MTAP: variants seen among roughly 807,000 people sequenced by gnomAD.
MTAP encodes S-methyl-5'-thioadenosine phosphorylase.
MTAP carries 33 observed loss-of-function variants against 33.6 expected under a neutral mutation model. That is an observed-to-expected ratio of 0.98 (90% CI 0.74 to 1.31). The LOEUF is 1.31. MTAP is among the 40% of genes most tolerant of loss of function. The pLI is 0.00. For synonymous variants in MTAP, 148 were observed against 125.7 expected (o/e 1.18, Z -1.19); for missense variants, 367 against 360.0 (o/e 1.02, Z -0.16).
chr9:21,825,885 A>G (rs1350621981), intron 4 of MTAP, among the ~76,000 whole-genome samples: 2 of 152,160 alleles, frequency 1.3e-5, no homozygotes, highest in African/African-American at 4.8e-5. Context: ...CATTTTCTTG[A>G]TGATTAGTGA....
At chr9:21,903,622 A>G (rs1818425691) in intron 1 of MTAP, among the ~76,000 whole-genome samples, 1 of 152,194 alleles carries the variant, frequency 6.6e-6, no homozygotes, top group Non-Finnish European at 1.5e-5. Context: ...AATCCTTTTC[A>G]GCTTCTCACA....
downstream of MTAP, among the ~76,000 whole-genome samples, chr9:21,868,548 C>T (rs778931326): frequency 4.6e-5 from 7 of 152,106 alleles, no homozygotes; most frequent in African/African-American, 1.4e-4. Context: ...TTTTTTAACT[C>T]ATCAGTTTAG....
intron 1 of MTAP, among the ~76,000 whole-genome samples, chr9:21,886,583 A>G (rs573139252): frequency 2.0e-5 from 3 of 152,274 alleles, no homozygotes; most frequent in African/African-American, 7.2e-5. Flanking sequence ...TTATGGTTTC[A>G]GGTCTTTGGT....
rs754086497 is a variant in MTAP, at chr9:21,862,029, C to G, written c.*15C>G. On this transcript the variant is annotated 3_prime_UTR_variant, in exon 8 of 8. Transcript: ENST00000644715. ...CAAGACATTAAAGTAGCATGGCTGC[C>G]CAGGAGAAAAGAAGACATTCTAATT... 3 of 1,611,894 alleles carry G rather than the reference C, an allele frequency of 1.9e-6. No individual in the cohort carries two copies. In the African/African-American group the frequency reaches 4.0e-5, roughly 22 times the overall value.
intron 7 of MTAP, chr9:21,861,689 C>A: frequency 2.4e-6 from 1 of 408,264 alleles, no homozygotes; most frequent in Non-Finnish European, 4.4e-6. Context: ...AACAATAATC[C>A]AGGCTGGGGG....
At chr9:21,880,624 A>G (rs994910644) in intron 1 of MTAP, among the ~76,000 whole-genome samples, 3 of 152,100 alleles carry the variant, frequency 2.0e-5, no homozygotes, top group Admixed American at 6.6e-5. Context: ...ACAATCCAAA[A>G]TCAAATTATA....
intron 1 of MTAP, among the ~76,000 whole-genome samples, chr9:21,923,349 A>C (rs1587300427): frequency 6.6e-6 from 1 of 152,144 alleles, no homozygotes; most frequent in Non-Finnish European, 1.5e-5. Context: ...GTGGTTCTTT[A>C]AGGATCTCAC....
At chr9:21,939,171 C>T (rs978676644), downstream of MTAP, among the ~76,000 whole-genome samples, 1 of 152,074 alleles carries the variant, frequency 6.6e-6, no homozygotes, top group African/African-American at 2.4e-5. Flanking sequence ...TAAGAAGTGC[C>T]TTTCAGCTCC....
At chr9:21,914,784 T>TAAA in intron 1 of MTAP, among the ~76,000 whole-genome samples, 1 of 137,372 alleles carries the variant, frequency 7.3e-6, no homozygotes, top group East Asian at 2.2e-4. Flanking sequence ...AGTATAATAA[T>TAAA]AAAAAAAAAA....
intron 1 of MTAP, among the ~76,000 whole-genome samples, chr9:21,895,318 A>G (rs189215924): frequency 2.6e-5 from 4 of 152,222 alleles, no homozygotes; most frequent in African/African-American, 9.6e-5. Context: ...TGGTACTTGT[A>G]TTAGTCCATT....
At chr9:21,940,880 C>A, downstream of MTAP, 1 of 350,786 alleles carries the variant, frequency 2.9e-6, no homozygotes, top group Non-Finnish European at 4.0e-6. Flanking sequence ...ACCATTGGTG[C>A]TTGAACATTA....
At chr9:21,939,417 C>T (rs539404570), downstream of MTAP, among the ~76,000 whole-genome samples, 1 of 152,246 alleles carries the variant, frequency 6.6e-6, no homozygotes, top group East Asian at 1.9e-4. Context: ...CTTAAGCTAT[C>T]TATAGCTTAC....
chr9:21,864,566 T>G lies in MTAP; in HGVS notation c.*2552T>G. Reference sequence around the variant, plus strand: ...GCATGGATTTTCATGGTTTTGAGAATGACATCCTGGCCCTGTGGTCCCCGA... The same window carrying G: ...GCATGGATTTTCATGGTTTTGAGAAGGACATCCTGGCCCTGTGGTCCCCGA... On this transcript the variant is annotated 3_prime_UTR_variant, in exon 8 of 8. Coordinates refer to ENST00000644715, the MANE Select transcript of MTAP (RefSeq NM_002451.4). 1.0e-6 allele frequency: 1 copy of G among 985,536 alleles called. No individual in the cohort carries two copies. The highest frequency in any genetic ancestry group is 1.2e-6 in the Non-Finnish European group (1 of 829,992). The allele number at this position is 985,536 out of a possible 1,614,324, so 61.0% of individuals were successfully genotyped here.
intron 5 of MTAP, among the ~76,000 whole-genome samples, chr9:21,843,382 A>G (rs1290140011): frequency 3.3e-5 from 5 of 152,172 alleles, no homozygotes; most frequent in African/African-American, 1.2e-4. Context: ...CAAGGAAACA[A>G]TGGACTTAAA....
At chr9:21,936,799 A>C (rs1189120199) in exon 8 of MTAP, 1 of 152,200 alleles carries the variant, frequency 6.6e-6, no homozygotes, top group Non-Finnish European at 1.5e-5. Context: ...AAAGACTAAA[A>C]ATAATAAGGG....
chr9:21,862,839 T>C lies in MTAP; in HGVS notation c.*825T>C, dbSNP rs1296943591. 16 of 570,978 alleles carry C rather than the reference T, an allele frequency of 2.8e-5. No individual in the cohort carries two copies. The highest frequency in any genetic ancestry group is 3.3e-5 in the Non-Finnish European group (15 of 454,284). The allele number at this position is 570,978 out of a possible 1,614,324, so 35.4% of individuals were successfully genotyped here. On this transcript the variant is annotated 3_prime_UTR_variant, in exon 8 of 8. Coordinates refer to ENST00000644715, the MANE Select transcript of MTAP (RefSeq NM_002451.4). The stretch of plus-strand genomic sequence containing the variant: ...GTTATTGTATTTGGGGGAGGGATAC[T>C]GGGATAATTTTTATTTTCTTTGAAT...
rs1447771754 is a variant in MTAP, at chr9:21,824,519, G to A, written c.347+6317G>A. 6.6e-5 allele frequency among the ~76,000 whole-genome samples: 10 copies of A among 152,362 alleles called. No individual in the cohort carries two copies. In the East Asian group the frequency reaches 1.9e-3, roughly 29 times the overall value. On this transcript the variant is annotated intron_variant, in intron 4 of 7. Coordinates refer to ENST00000644715, the MANE Select transcript of MTAP (RefSeq NM_002451.4). The stretch of plus-strand genomic sequence containing the variant: ...AGGTGTCAGTCTGCCCTACTGGGGG[G>A]TGCCTCACAGTTAGCCTACTCGGGG...
At chr9:21,860,144 TCCTTA>T (rs936149149) in intron 7 of MTAP, 38 of 152,350 alleles carry the variant, frequency 2.5e-4, no homozygotes, top group African/African-American at 9.1e-4. Context: ...ATCTAAGCCC[TCCTTA>T]CCTGAATTAC....
rs1012071118 is a variant in MTAP at position 21,862,272 on chromosome 9, AC to A, written c.*261del. On this transcript the variant is annotated 3_prime_UTR_variant, in exon 8 of 8. Transcript: ENST00000644715. ...ATTACATTTTAAGGGGGAAAAAAAA[AC>A]CCACCATTCTCTTCTCCCCCTATTA... The A allele has an allele frequency of 2.6e-6, 2 of 759,592 alleles. No homozygotes were observed. The highest frequency in any genetic ancestry group is 3.8e-5 in the South Asian group (1 of 26,638). The allele number at this position is 759,592 out of a possible 1,614,324, so 47.1% of individuals were successfully genotyped here.
Sources: gnomAD v4.1 joint callset for allele counts (sites outside exome capture counted in the v4.1 genomes callset) on GRCh38, gnomAD v4.1.1 for gene constraint, MANE v1.5 for transcripts, NCBI Gene and HGNC (gene_info 2026-07-23, HGNC 2026-07-21) for gene names.